MARK3: variants seen among roughly 807,000 people sequenced by gnomAD.
MARK3 encodes the protein MAP/microtubule affinity-regulating kinase 3.
A neutral mutation model predicts 90.1 loss-of-function variants in MARK3; 46 were observed. That is an observed-to-expected ratio of 0.51 (90% CI 0.40 to 0.65). The LOEUF is 0.65. MARK3 is among the 30% of genes least tolerant of loss of function. The probability of loss-of-function intolerance (pLI) is 0.00; values close to 1 mark genes in which losing one functional copy is unlikely to be tolerated. For missense variants in MARK3, 818 were observed against 947.2 expected (o/e 0.86, Z 1.79); for synonymous variants, 321 against 332.6 (o/e 0.97, Z 0.38).
Position 103,503,536 on chromosome 14 carries a change from T to C in MARK3, c.*309T>C. On this transcript the variant is annotated 3_prime_UTR_variant, in exon 18 of 18. Coordinates refer to ENST00000429436, the MANE Select transcript of MARK3 (RefSeq NM_001128918.3). ...GACGGTATGTGTGTGAAGTGGTGTA[T>C]ATGGAAGCATCTCCCTACACTGGCA... 1 of 328,402 alleles carries C rather than the reference T, an allele frequency of 3.0e-6. No individual in the cohort carries two copies. Among genetic ancestry groups the C allele is most frequent in the Non-Finnish European group, 5.7e-6 (1 of 176,702 alleles). 20.3% of individuals were successfully genotyped at this position (328,402 alleles called of 1,614,324 possible).
At chr14:103,431,093 T>A (rs2092567991) in intron 3 of MARK3, among the ~76,000 whole-genome samples, 2 of 151,500 alleles carry the variant, frequency 1.3e-5, no homozygotes, top group South Asian at 4.1e-4. Flanking sequence ...TTTGTTTTTG[T>A]TTTTGTTTTT....
rs569829845 is a variant in MARK3 at position 103,460,373 on chromosome 14, C to T, written c.484-2032C>T. 5.3e-5 allele frequency among the ~76,000 whole-genome samples: 8 copies of T among 152,124 alleles called. No homozygotes were observed. The South Asian group carries it at 6.2e-4, about 12-fold the overall frequency. ...GTGCTGGGATTACAGGCGTGAGCCA[C>T]GCGCCCGGCACAGCTCCATCTTTTT... On this transcript the variant is annotated intron_variant, in intron 6 of 17. Coordinates refer to ENST00000429436, the MANE Select transcript of MARK3 (RefSeq NM_001128918.3).
At chr14:103,487,084 T>A (rs1566931429) in intron 14 of MARK3, among the ~76,000 whole-genome samples, 1 of 151,536 alleles carries the variant, frequency 6.6e-6, no homozygotes, top group Non-Finnish European at 1.5e-5. Flanking sequence ...ACCCAACTAA[T>A]TTTTGTATTT....
chr14:103,405,976 A>G (rs12887238), intron 2 of MARK3, among the ~76,000 whole-genome samples: 146,926 of 152,076 alleles, frequency 0.97, 71,146 homozygotes, highest in East Asian at 1. Flanking sequence ...CTATAGCCTC[A>G]ACCTCCTGGG....
chr14:103,498,223 AG>A (rs1595958480), intron 15 of MARK3, among the ~76,000 whole-genome samples: 2 of 147,054 alleles, frequency 1.4e-5, no homozygotes, highest in East Asian at 4.0e-4. Context: ...AAAAAAAAAA[AG>A]TGTGTCCATC....
At position 103,424,630 on chromosome 14, in the gene MARK3, G is replaced by A. The variant is rs17101584; in HGVS notation, c.244-3757G>A. 6.9e-4 allele frequency among the ~76,000 whole-genome samples: 105 copies of A among 152,160 alleles called. 1 individual carries two copies. In the East Asian group the frequency reaches 0.011, roughly 16 times the overall value. On this transcript the variant is annotated intron_variant, in intron 2 of 17. Transcript: ENST00000429436. ...GTCCAGGTGTGAAAATAGAAACCACGTCTCAGAAGCTCAGAGAGAAGAAGA... is the reference window on the plus strand; with the variant it reads ...GTCCAGGTGTGAAAATAGAAACCACATCTCAGAAGCTCAGAGAGAAGAAGA...
chr14:103,498,623 C>T, intron 16 of MARK3, 95 bp downstream of exon 16: 6 of 1,177,884 alleles, frequency 5.1e-6, no homozygotes, highest in Non-Finnish European at 6.6e-6. Context: ...CTGTTTTTTC[C>T]TTATAAACTA....
At chr14:103,435,610 G>A (rs1040754742) in intron 3 of MARK3, among the ~76,000 whole-genome samples, 9 of 149,180 alleles carry the variant, frequency 6.0e-5, no homozygotes, top group South Asian at 4.2e-4. Flanking sequence ...GGGTTTCACC[G>A]TGTTAGCCAG....
At chr14:103,428,717 T>C (rs1313931099) in intron 3 of MARK3, among the ~76,000 whole-genome samples, 5 of 152,200 alleles carry the variant, frequency 3.3e-5, no homozygotes, top group Non-Finnish European at 5.9e-5. Flanking sequence ...GTACTTTTTA[T>C]TGAATATTCT....
intron 1 of MARK3, among the ~76,000 whole-genome samples, chr14:103,387,390 T>C (rs566380478): frequency 1.3e-5 from 2 of 152,216 alleles, no homozygotes; most frequent in Non-Finnish European, 2.9e-5. Flanking sequence ...TAGAAAATTA[T>C]ATAAAGAGTG....
intron 3 of MARK3, among the ~76,000 whole-genome samples, chr14:103,443,722 C>T (rs998030640): frequency 9.9e-5 from 15 of 152,182 alleles, no homozygotes; most frequent in African/African-American, 3.1e-4. Context: ...ACATCAGTTC[C>T]TTTGAGTCTT....
intron 2 of MARK3, among the ~76,000 whole-genome samples, chr14:103,413,888 T>G (rs189707675): frequency 1.3e-5 from 2 of 152,318 alleles, no homozygotes; most frequent in African/African-American, 4.8e-5. Context: ...GACAGTTTGT[T>G]CCTTTTTGTT....
chr14:103,478,899 A>G (rs536580450), intron 13 of MARK3, among the ~76,000 whole-genome samples: 4 of 152,360 alleles, frequency 2.6e-5, no homozygotes, highest in African/African-American at 9.6e-5. Flanking sequence ...TATATATACT[A>G]CAATTTAACT....
chr14:103,401,210 A>C (rs2090947141), intron 1 of MARK3, among the ~76,000 whole-genome samples: 2 of 152,110 alleles, frequency 1.3e-5, no homozygotes, highest in South Asian at 2.1e-4. Flanking sequence ...GTTTTAAGGG[A>C]ACTTTTAAAA....
chr14:103,414,050 A>T (rs181267202), intron 2 of MARK3, among the ~76,000 whole-genome samples: 217 of 152,314 alleles, frequency 1.4e-3, no homozygotes, highest in African/African-American at 4.6e-3. Flanking sequence ...TCTAGGAGTG[A>T]CATTACTGGA....
chr14:103,497,676 T>G (rs925762046), intron 15 of MARK3, among the ~76,000 whole-genome samples: 2 of 152,218 alleles, frequency 1.3e-5, no homozygotes, highest in Non-Finnish European at 2.9e-5. Flanking sequence ...CACCTATTTT[T>G]TTCTTAAAAA....
chr14:103,497,089 A>G (rs894642265), intron 15 of MARK3, among the ~76,000 whole-genome samples: 1 of 152,314 alleles, frequency 6.6e-6, no homozygotes, highest in African/African-American at 2.4e-5. Context: ...AAACGAAAAT[A>G]TATCTTAAAG....
intron 3 of MARK3, among the ~76,000 whole-genome samples, chr14:103,441,898 T>C (rs1417073082): frequency 1.3e-5 from 2 of 152,166 alleles, no homozygotes; most frequent in African/African-American, 4.8e-5. Flanking sequence ...TATTTTTAAA[T>C]TTTATTTTTA....
chr14:103,425,463 A>G (rs946256269), intron 2 of MARK3, among the ~76,000 whole-genome samples: 5 of 151,872 alleles, frequency 3.3e-5, no homozygotes, highest in South Asian at 4.1e-4. Context: ...GGGTTTCACC[A>G]TGTTGGCCAG....
Sources: allele counts gnomAD v4.1 joint callset (sites outside exome capture counted in the v4.1 genomes callset), GRCh38; gene constraint gnomAD v4.1.1; transcripts MANE v1.5; gene names NCBI Gene and HGNC (gene_info 2026-07-23, HGNC 2026-07-21).